ANXA4: variants seen among roughly 807,000 people sequenced by gnomAD.
ANXA4 encodes the protein 35-beta calcimedin.
Under a neutral mutation model 49.8 loss-of-function variants are expected in ANXA4, and 39 were observed. The observed-to-expected ratio is 0.78, with a 90% CI of 0.61 to 1.02. ANXA4 has a LOEUF of 1.02. Among genes scored for constraint, ANXA4 ranks in the 50% least tolerant of loss-of-function variants. The probability of loss-of-function intolerance (pLI) is 0.00; values close to 1 mark genes in which losing one functional copy is unlikely to be tolerated. For missense variants in ANXA4, 360 were observed against 410.1 expected, an observed-to-expected ratio of 0.88 and a Z score of 1.05; for synonymous variants, 134 against 152.5, an observed-to-expected ratio of 0.88 and a Z score of 0.89.
At chr2:69,648,436 C>T (rs1433106599) in intron 1 of ANXA4, among the ~76,000 whole-genome samples, 2 of 152,184 alleles carry the variant, frequency 1.3e-5, no homozygotes, top group Non-Finnish European at 2.9e-5. Context: ...AGTTTCTGTT[C>T]ACAAACCTTT....
chr2:69,708,533 A>AAGAGAGAG (rs112618606), intron 2 of ANXA4, among the ~76,000 whole-genome samples: 1 of 149,390 alleles, frequency 6.7e-6, no homozygotes, highest in East Asian at 1.9e-4. Flanking sequence ...AGAAGAAAGA[A>AAGAGAGAG]AGAGAGAGAG....
chr2:69,717,132 G>A (rs1201672202), intron 2 of ANXA4, among the ~76,000 whole-genome samples: 5 of 152,230 alleles, frequency 3.3e-5, no homozygotes, highest in Non-Finnish European at 5.9e-5. Flanking sequence ...AGGAGCTGAC[G>A]CCCTGAGGGT....
At chr2:69,672,407 T>C (rs1227091473) in intron 2 of ANXA4, among the ~76,000 whole-genome samples, 1 of 152,018 alleles carries the variant, frequency 6.6e-6, no homozygotes, top group Non-Finnish European at 1.5e-5. Context: ...AATTTTTGTA[T>C]TTTTAGTAGA....
chr2:69,657,455 A>G (rs543416381), intron 2 of ANXA4, among the ~76,000 whole-genome samples: 2 of 149,124 alleles, frequency 1.3e-5, no homozygotes, highest in African/African-American at 5.2e-5. Flanking sequence ...AATGTACGCA[A>G]TGGAGACTAA....
chr2:69,734,182 A>C (rs2105452111), intron 3 of ANXA4, among the ~76,000 whole-genome samples: 1 of 152,312 alleles, frequency 6.6e-6, no homozygotes, highest in African/African-American at 2.4e-5. Flanking sequence ...AAGGAGCCAA[A>C]GGTTATCTGG....
At chr2:69,752,920 G>A (rs1489203941) in intron 1 of ANXA4, among the ~76,000 whole-genome samples, 1 of 152,240 alleles carries the variant, frequency 6.6e-6, no homozygotes, top group Admixed American at 6.5e-5. Flanking sequence ...AAGTCTTAAC[G>A]TTCATAATCA....
At chr2:69,747,869 A>G (rs1049864922) in intron 1 of ANXA4, among the ~76,000 whole-genome samples, 6 of 151,872 alleles carry the variant, frequency 4.0e-5, no homozygotes, top group Non-Finnish European at 5.9e-5. Flanking sequence ...AAAATTTTGC[A>G]TAGATAGGGT....
At chr2:69,787,988 C>A in intron 2 of ANXA4, 66 bp from the exon 3 acceptor site, 1 of 1,372,056 alleles carries the variant, frequency 7.3e-7, no homozygotes, top group South Asian at 1.2e-5. Flanking sequence ...AAATGTTTGC[C>A]GAATGAGATG....
At chr2:69,700,531 T>C (rs952819758) in intron 2 of ANXA4, among the ~76,000 whole-genome samples, 1 of 152,242 alleles carries the variant, frequency 6.6e-6, no homozygotes, top group Admixed American at 6.5e-5. Context: ...TACAATTATA[T>C]AGAAATGACT....
At chr2:69,787,753 A>T (rs1370405289) in intron 2 of ANXA4, among the ~76,000 whole-genome samples, 1 of 152,146 alleles carries the variant, frequency 6.6e-6, no homozygotes, top group African/African-American at 2.4e-5. Flanking sequence ...TTCAGCTCTT[A>T]ACCTCAATGT....
At chr2:69,773,020 A>G (rs1358798259) in intron 1 of ANXA4, among the ~76,000 whole-genome samples, 5 of 151,700 alleles carry the variant, frequency 3.3e-5, no homozygotes, top group Non-Finnish European at 7.3e-5. Flanking sequence ...TCTCAAAAAA[A>G]AAAGAAAGAA....
In ANXA4 at chr2:69,679,425, T is replaced by G. The variant is rs555794800; in HGVS notation, n.766+26143T>G. Among the ~76,000 whole-genome samples the G allele has an allele frequency of 8.1e-4, 123 of 152,368 alleles. 1 individual carries two copies. The highest frequency in any genetic ancestry group is 2.9e-3 in the African/African-American group (120 of 41,594). ...TAATTCCCTTGTGGGATGAATAGTTTGCAAACATTTTCTCCTATTAAACAG... is the reference window on the plus strand; with the variant it reads ...TAATTCCCTTGTGGGATGAATAGTTGGCAAACATTTTCTCCTATTAAACAG... On this transcript the variant is annotated intron_variant and non_coding_transcript_variant, in intron 2 of 3. Transcript: ENST00000418066.
intron 3 of ANXA4, 88 bp downstream of exon 3, chr2:69,788,229 G>A (rs192175334): frequency 8.1e-5 from 99 of 1,223,384 alleles, no homozygotes; most frequent in Non-Finnish European, 1.0e-4. Context: ...TGGCCATCAC[G>A]TGGGTCTTCC....
Position 69,784,703 on chromosome 2 carries a change from C to T in ANXA4, c.9+3129C>T, listed in dbSNP as rs1028802963. On this transcript the variant is annotated intron_variant, in intron 2 of 12. Transcript: ENST00000394295. ...CTCACAGTTCTGGAGGCCAGAAATC[C>T]AAAGCAAGGTGTCAGCAGAGCCATG... is the stretch of plus-strand genomic sequence containing the variant. Among the ~76,000 whole-genome samples the T allele has an allele frequency of 4.6e-5, 7 of 152,202 alleles. No homozygotes were observed. In the South Asian group the frequency reaches 1.0e-3, roughly 22 times the overall value.
chr2:69,767,428 C>T (rs1214420630), intron 1 of ANXA4, among the ~76,000 whole-genome samples: 3 of 152,164 alleles, frequency 2.0e-5, no homozygotes. Flanking sequence ...GCCATGACCT[C>T]CCAACCTAAA....
chr2:69,687,500 C>A (rs2105367380), intron 2 of ANXA4, among the ~76,000 whole-genome samples: 1 of 150,864 alleles, frequency 6.6e-6, no homozygotes, highest in Non-Finnish European at 1.5e-5. Flanking sequence ...AGAGCAAGAC[C>A]CTGTCTCAAA....
intron 2 of ANXA4, among the ~76,000 whole-genome samples, chr2:69,695,919 A>G (rs1678145403): frequency 6.6e-6 from 1 of 152,132 alleles, no homozygotes; most frequent in Non-Finnish European, 1.5e-5. Flanking sequence ...CTAAAAAAAA[A>G]TGTTAACAGT....
intron 1 of ANXA4, among the ~76,000 whole-genome samples, chr2:69,649,868 C>T (rs920224142): frequency 2.0e-5 from 3 of 150,518 alleles, no homozygotes; most frequent in African/African-American, 7.3e-5. Context: ...GCAATCCACC[C>T]GCATCAGCCT....
chr2:69,646,637 A>T (rs748702998), intron 1 of ANXA4, among the ~76,000 whole-genome samples: 4 of 152,218 alleles, frequency 2.6e-5, no homozygotes, highest in Non-Finnish European at 2.9e-5. Flanking sequence ...AGGCAATAAG[A>T]TGCCAAATTA....
Sources: gnomAD v4.1 joint callset for allele counts (sites outside exome capture counted in the v4.1 genomes callset) on GRCh38, gnomAD v4.1.1 for gene constraint, MANE v1.5 for transcripts, NCBI Gene and HGNC (gene_info 2026-07-23, HGNC 2026-07-21) for gene names.